The following KCNH7 variants were observed in gnomAD, a reference collection of about 807,000 sequenced individuals.
The protein encoded by KCNH7 is voltage-gated inwardly rectifying potassium channel KCNH7.
A neutral mutation model predicts 120.8 loss-of-function variants in KCNH7; 49 were observed. The observed-to-expected ratio is 0.41, with a 90% CI of 0.32 to 0.51. The LOEUF (loss-of-function observed/expected upper bound fraction) is 0.51, where lower values mean the gene tolerates loss of function less well. KCNH7 is among the 20% of genes least tolerant of loss of function. KCNH7 has a pLI of 0.38. For synonymous variants in KCNH7, 547 were observed against 516.1 expected (o/e 1.06, Z -0.81); for missense variants, 1,097 against 1,446.6 (o/e 0.76, Z 3.92).
chr2:162,709,257 A>T (rs1176754490), intron 2 of KCNH7, among the ~76,000 whole-genome samples: 1 of 152,102 alleles, frequency 6.6e-6, no homozygotes. Flanking sequence ...AGTATTTAAA[A>T]CTGTTTAGCT....
intron 1 of KCNH7, among the ~76,000 whole-genome samples, chr2:162,838,077 T>G (rs1685724186): frequency 6.6e-6 from 1 of 152,196 alleles, no homozygotes; most frequent in Non-Finnish European, 1.5e-5. Context: ...AATAGTATGG[T>G]CTGCTCTGCT....
intron 12 of KCNH7, among the ~76,000 whole-genome samples, chr2:162,389,076 G>A (rs542304985): frequency 4.6e-5 from 7 of 151,856 alleles, no homozygotes; most frequent in African/African-American, 7.3e-5. Context: ...CCATCTCTTC[G>A]GTTGTTACAG....
chr2:162,777,783 G>A (rs184022722), intron 2 of KCNH7, among the ~76,000 whole-genome samples: 276 of 152,200 alleles, frequency 1.8e-3, no homozygotes, highest in African/African-American at 5.8e-3. Context: ...ACATGACTCT[G>A]ACTATGCCAT....
intron 2 of KCNH7, among the ~76,000 whole-genome samples, chr2:162,719,560 G>A (rs1010934570): frequency 1.3e-5 from 2 of 151,926 alleles, no homozygotes; most frequent in African/African-American, 2.4e-5. Flanking sequence ...ATGTTTTAGT[G>A]AGAAATATTT....
At chr2:162,739,581 C>T (rs1283161722) in intron 2 of KCNH7, among the ~76,000 whole-genome samples, 2 of 152,162 alleles carry the variant, frequency 1.3e-5, no homozygotes, top group Non-Finnish European at 2.9e-5. Flanking sequence ...GCCCAGTCAT[C>T]AGGTGAACCT....
intron 2 of KCNH7, among the ~76,000 whole-genome samples, chr2:162,542,783 G>A (rs886378499): frequency 2.0e-5 from 3 of 151,980 alleles, no homozygotes; most frequent in Non-Finnish European, 4.4e-5. Context: ...GGATGGCTGG[G>A]TCAAATGGTA....
intron 7 of KCNH7, among the ~76,000 whole-genome samples, chr2:162,442,230 G>T (rs1688444895): frequency 6.6e-6 from 1 of 151,404 alleles, no homozygotes; most frequent in Non-Finnish European, 1.5e-5. Flanking sequence ...GTTTCACCGT[G>T]TTAGACAGGA....
intron 2 of KCNH7, among the ~76,000 whole-genome samples, chr2:162,806,330 T>C (rs1684538941): frequency 1.3e-5 from 2 of 152,322 alleles, no homozygotes; most frequent in South Asian, 2.1e-4. Flanking sequence ...TACGTCACCT[T>C]CAAAGAGGAG....
chr2:162,583,211 C>G (rs1314842340), intron 2 of KCNH7, among the ~76,000 whole-genome samples: 1 of 151,928 alleles, frequency 6.6e-6, no homozygotes, highest in Non-Finnish European at 1.5e-5. Context: ...ACAGATACTT[C>G]AGGTAGGTGA....
At chr2:162,489,260 A>G (rs1331535309) in intron 6 of KCNH7, among the ~76,000 whole-genome samples, 1 of 152,148 alleles carries the variant, frequency 6.6e-6, no homozygotes, top group Non-Finnish European at 1.5e-5. Context: ...TTTCCTCATC[A>G]TTGACCAGAA....
At chr2:162,412,859 T>C (rs1396155680) in intron 9 of KCNH7, among the ~76,000 whole-genome samples, 1 of 152,188 alleles carries the variant, frequency 6.6e-6, no homozygotes, top group Non-Finnish European at 1.5e-5. Flanking sequence ...GTGCCTATGC[T>C]CATAATTCCT....
rs113194420 is a variant in KCNH7 at position 162,617,490 on chromosome 2, C to CA, written c.308-80411dup. 7.9e-3 allele frequency among the ~76,000 whole-genome samples: 1,168 copies of CA among 147,298 alleles called. 8 individuals carry two copies. The highest frequency in any genetic ancestry group is 0.021 in the Middle Eastern group (6 of 288). ...CGAGATTCCATCTCAAAAAACAAAA[C>CA]AAAAAAAAAATAGAATTTAGAAAAG... is the stretch of plus-strand genomic sequence containing the variant. On this transcript the variant is annotated intron_variant, in intron 2 of 15. Coordinates refer to ENST00000332142, the MANE Select transcript of KCNH7 (RefSeq NM_033272.4).
At chr2:162,637,654 G>A (rs1003732506) in intron 2 of KCNH7, among the ~76,000 whole-genome samples, 1 of 151,934 alleles carries the variant, frequency 6.6e-6, no homozygotes, top group South Asian at 2.1e-4. Context: ...GCTTGATTTA[G>A]TCATTCCATG....
intron 2 of KCNH7, among the ~76,000 whole-genome samples, chr2:162,706,933 G>A (rs1160498902): frequency 1.3e-5 from 2 of 152,088 alleles, no homozygotes; most frequent in East Asian, 1.9e-4. Context: ...TTGGAGCGGG[G>A]AGCTTTCTAT....
chr2:162,726,188 ATATTTTAAACAG>A (rs1242788871), intron 2 of KCNH7, among the ~76,000 whole-genome samples: 3 of 152,000 alleles, frequency 2.0e-5, no homozygotes, highest in Non-Finnish European at 4.4e-5. Context: ...TTCTTTTTAT[ATATTTTAAACAG>A]TATTTTAAAC....
At position 162,518,811 on chromosome 2, in the gene KCNH7, T is replaced by G. The variant is rs1339070537; in HGVS notation, c.464-653A>C. On this transcript the variant is annotated intron_variant, in intron 3 of 15. Transcript: ENST00000332142. Reference sequence around the variant, plus strand: ...AAAGATTTCTTTTTCCTGTTTTCTGTTTTTTTTTTTTTTTGCTCCAAAATT... The same window carrying G: ...AAAGATTTCTTTTTCCTGTTTTCTGGTTTTTTTTTTTTTTGCTCCAAAATT... Among the ~76,000 whole-genome samples the G allele has an allele frequency of 2.6e-5, 3 of 114,352 alleles. No homozygotes were observed. The East Asian group carries it at 8.3e-4, about 31-fold the overall frequency. The allele number at this position is 114,352 out of a possible 152,430, so 75.0% of individuals were successfully genotyped here.
chr2:162,767,424 C>T (rs1682863466), intron 2 of KCNH7, among the ~76,000 whole-genome samples: 1 of 152,072 alleles, frequency 6.6e-6, no homozygotes, highest in African/African-American at 2.4e-5. Context: ...TATAATCACA[C>T]ATATTTTTCC....
intron 2 of KCNH7, among the ~76,000 whole-genome samples, chr2:162,643,099 A>C (rs1684223472): frequency 6.6e-6 from 1 of 152,174 alleles, no homozygotes; most frequent in African/African-American, 2.4e-5. Context: ...ACTTAATAGA[A>C]TTTCTTCCTT....
At chr2:162,795,768 G>C (rs1405337981) in intron 2 of KCNH7, 1 of 151,986 alleles carries the variant, frequency 6.6e-6, no homozygotes, top group Non-Finnish European at 1.5e-5. Context: ...AATAATTTAA[G>C]ATACTTGTGA....
Sources: allele counts gnomAD v4.1 joint callset (sites outside exome capture counted in the v4.1 genomes callset), GRCh38; gene constraint gnomAD v4.1.1; transcripts MANE v1.5; gene names NCBI Gene and HGNC (gene_info 2026-07-23, HGNC 2026-07-21).